The following COL4A6 variants were observed in gnomAD, a reference collection of about 807,000 sequenced individuals.
The protein encoded by COL4A6 is collagen alpha-6(IV) chain.
COL4A6 carries 59 observed loss-of-function variants against 126.7 expected under a neutral mutation model. The observed-to-expected ratio is 0.47, with a 90% CI of 0.38 to 0.58. The LOEUF is 0.58. COL4A6 is among the 20% of genes least tolerant of loss of function. The pLI is 0.00. For synonymous variants in COL4A6, 547 were observed against 496.6 expected (o/e 1.10, Z -1.35); for missense variants, 1,285 against 1,337.3 (o/e 0.96, Z 0.61).
intron 2 of COL4A6, among the ~76,000 whole-genome samples, chrX:108,431,827 T>C (rs73253682): frequency 3.8e-4 from 42 of 111,691 alleles, no homozygotes; most frequent in Non-Finnish European, 7.5e-4. Context: ...AGAATGCAAA[T>C]TGGTCTCTCT....
chrX:108,173,546 GT>G (rs2034384435), intron 31 of COL4A6, among the ~76,000 whole-genome samples: 1 of 109,972 alleles, frequency 9.1e-6, no homozygotes, highest in Non-Finnish European at 1.9e-5. Context: ...CACTTTTGAA[GT>G]TCAGGGACTT....
intron 2 of COL4A6, among the ~76,000 whole-genome samples, chrX:108,409,996 C>T (rs890320197): frequency 1.8e-5 from 2 of 111,500 alleles, no homozygotes; most frequent in South Asian, 7.7e-4. Context: ...AAGAGATCCC[C>T]GGGAAGGTGA....
chrX:108,421,651 G>A (rs754972712), intron 2 of COL4A6, among the ~76,000 whole-genome samples: 8 of 112,142 alleles, frequency 7.1e-5, no homozygotes, highest in African/African-American at 1.9e-4. Flanking sequence ...ATTTATCCAT[G>A]TAAATCTCAT....
chrX:108,186,779 T>C (rs146995446), intron 23 of COL4A6, among the ~76,000 whole-genome samples: 2 of 110,354 alleles, frequency 1.8e-5, no homozygotes, highest in East Asian at 2.9e-4. Context: ...TTGCAACAAG[T>C]GGTCATCCAT....
At chrX:108,330,674 A>T (rs2039274489) in intron 2 of COL4A6, among the ~76,000 whole-genome samples, 1 of 111,095 alleles carries the variant, frequency 9.0e-6, no homozygotes, top group Non-Finnish European at 1.9e-5. Flanking sequence ...GTTGTCAGAG[A>T]TACAGGTGGT....
At chrX:108,364,380 A>C (rs2040152242) in intron 2 of COL4A6, among the ~76,000 whole-genome samples, 1 of 109,977 alleles carries the variant, frequency 9.1e-6, no homozygotes. Context: ...TATTGTGGTA[A>C]GTGTTACATA....
chrX:108,417,768 A>C (rs183576883), intron 2 of COL4A6, among the ~76,000 whole-genome samples: 1 of 112,221 alleles, frequency 8.9e-6, no homozygotes, highest in East Asian at 2.8e-4. Flanking sequence ...TCTATACCAT[A>C]CATGTATTTT....
At chrX:108,234,162 A>G (rs1242752467) in intron 3 of COL4A6, among the ~76,000 whole-genome samples, 1 of 112,100 alleles carries the variant, frequency 8.9e-6, no homozygotes, top group East Asian at 2.8e-4. Context: ...TCATAACAAC[A>G]CTGTCCTCAA....
At chrX:108,365,439 C>T (rs2040178357) in intron 2 of COL4A6, among the ~76,000 whole-genome samples, 1 of 111,871 alleles carries the variant, frequency 8.9e-6, no homozygotes, top group South Asian at 3.8e-4. Context: ...CTACATCTTA[C>T]TCATTTTTTT....
At chrX:108,377,379 C>T (rs2040460135) in intron 2 of COL4A6, among the ~76,000 whole-genome samples, 1 of 108,030 alleles carries the variant, frequency 9.3e-6, no homozygotes, top group Non-Finnish European at 1.9e-5. Context: ...GCAAAGAGGT[C>T]TTCCTCTTTC....
At chrX:108,171,142 T>C (rs1316700970) in intron 33 of COL4A6, among the ~76,000 whole-genome samples, 1 of 112,411 alleles carries the variant, frequency 8.9e-6, no homozygotes, top group African/African-American at 3.2e-5. Flanking sequence ...AGTGGAAATG[T>C]TCAAGAAGGA....
At chrX:108,187,026 C>A (rs2034884936) in intron 23 of COL4A6, 70 bp downstream of exon 23, 1 of 876,990 alleles carries the variant, frequency 1.1e-6, no homozygotes, top group Non-Finnish European at 1.5e-6. Context: ...ACATTTCATG[C>A]ACCTGAGTCA....
chrX:108,388,935 A>G (rs1343052814), intron 2 of COL4A6, among the ~76,000 whole-genome samples: 2 of 111,763 alleles, frequency 1.8e-5, no homozygotes, highest in Non-Finnish European at 3.8e-5. Flanking sequence ...CATTGGTTCC[A>G]AAGAACATCT....
In COL4A6 at chrX:108,385,799, T is replaced by G. The variant is rs1018342745; in HGVS notation, c.63+52143A>C. Among the ~76,000 whole-genome samples the G allele has an allele frequency of 3.2e-4, 35 of 111,084 alleles. No homozygotes were observed. The Admixed American group carries it at 3.3e-3, about 11-fold the overall frequency. On this transcript the variant is annotated intron_variant, in intron 2 of 44. Transcript: ENST00000334504. ...TTGTTACATAGGTACACATGTGCCA[T>G]GGTGGTTTGCTGCACCCATCAACCC...
intron 3 of COL4A6, among the ~76,000 whole-genome samples, chrX:108,258,359 C>T (rs1053831038): frequency 2.7e-5 from 3 of 112,107 alleles, no homozygotes; most frequent in African/African-American, 9.7e-5. Flanking sequence ...AAAAGACAAG[C>T]CAGTCTTGTA....
At chrX:108,189,360 T>G (rs1269261254) in intron 20 of COL4A6, among the ~76,000 whole-genome samples, 1 of 112,312 alleles carries the variant, frequency 8.9e-6, no homozygotes, top group East Asian at 2.8e-4. Context: ...GGGTCCTATC[T>G]CAGTCCTAAT....
At chrX:108,341,618 T>C (rs1211852710) in intron 2 of COL4A6, among the ~76,000 whole-genome samples, 1 of 111,167 alleles carries the variant, frequency 9.0e-6, no homozygotes, top group African/African-American at 3.3e-5. Flanking sequence ...CTCTTTTTCT[T>C]TATAAATTAC....
intron 2 of COL4A6, among the ~76,000 whole-genome samples, chrX:108,396,668 C>G (rs1218260285): frequency 1.8e-5 from 2 of 111,495 alleles, no homozygotes; most frequent in Non-Finnish European, 3.8e-5. Context: ...ATAACACTTC[C>G]AATTCAAAAG....
intron 15 of COL4A6, 55 bp from the exon 16 acceptor site, chrX:108,194,642 C>G (rs2035153279): frequency 8.9e-7 from 1 of 1,125,550 alleles, no homozygotes; most frequent in African/African-American, 1.8e-5. Flanking sequence ...ATAAGAGAGT[C>G]TGGTCTTTGG....
Sources: allele counts gnomAD v4.1 joint callset (sites outside exome capture counted in the v4.1 genomes callset), GRCh38; gene constraint gnomAD v4.1.1; transcripts MANE v1.5; gene names NCBI Gene and HGNC (gene_info 2026-07-23, HGNC 2026-07-21).